The following ARHGAP42 variants were observed in gnomAD, a reference collection of about 807,000 sequenced individuals.
ARHGAP42 encodes Rho GTPase activating protein 42, also known as rho GTPase-activating protein 42.
Under a neutral mutation model 125.0 loss-of-function variants are expected in ARHGAP42, and 63 were observed. The observed-to-expected ratio is 0.50, with a 90% CI of 0.41 to 0.62. ARHGAP42 has a LOEUF of 0.62. ARHGAP42 is among the 20% of genes least tolerant of loss of function. The pLI is 0.00. For synonymous variants in ARHGAP42, 339 were observed against 351.0 expected (o/e 0.97, Z 0.38); for missense variants, 766 against 1,024.2 (o/e 0.75, Z 3.44).
chr11:100,948,557 TA>T (rs1331056599), intron 11 of ARHGAP42, 22 bp downstream of exon 11: 18 of 1,524,674 alleles, frequency 1.2e-5, no homozygotes, highest in East Asian at 4.9e-5. Flanking sequence ...ACACATTCTA[TA>T]ATTTAGGTTT....
chr11:100,737,623 G>T (rs1862094500), intron 1 of ARHGAP42, among the ~76,000 whole-genome samples: 1 of 152,118 alleles, frequency 6.6e-6, no homozygotes, highest in South Asian at 2.1e-4. Flanking sequence ...GAGGTGTCTT[G>T]GTTCATCTTG....
intron 1 of ARHGAP42, among the ~76,000 whole-genome samples, chr11:100,711,359 C>T (rs1347616419): frequency 6.6e-6 from 1 of 152,070 alleles, no homozygotes; most frequent in Non-Finnish European, 1.5e-5. Flanking sequence ...CAATGAGAAT[C>T]TTCTCTGTTT....
Position 100,768,169 on chromosome 11 carries a change from A to G in ARHGAP42, c.155-2174A>G, listed in dbSNP as rs79508570. ...GACATTTGTAAAAAAGGTAAGGAAG[A>G]CTTTATTCAGGACTATCACAACAGG... On this transcript the variant is annotated intron_variant, in intron 1 of 23. Transcript: ENST00000298815. Among the ~76,000 whole-genome samples the G allele has an allele frequency of 4.6e-3, 705 of 152,290 alleles. 5 individuals carry two copies. The highest frequency in any genetic ancestry group is 0.016 in the African/African-American group (676 of 41,562).
chr11:100,803,405 G>A (rs1003701616), intron 3 of ARHGAP42, among the ~76,000 whole-genome samples: 1 of 152,156 alleles, frequency 6.6e-6, no homozygotes, highest in Non-Finnish European at 1.5e-5. Flanking sequence ...CTAAGAGTAT[G>A]AGACAGAAGA....
intron 12 of ARHGAP42, among the ~76,000 whole-genome samples, chr11:100,958,829 A>T (rs897851103): frequency 6.6e-6 from 1 of 151,962 alleles, no homozygotes; most frequent in Non-Finnish European, 1.5e-5. Flanking sequence ...CAGATTTTTC[A>T]CGCCTTTCTG....
At chr11:100,728,713 CGTATATATATAT>C (rs1435843389) in intron 1 of ARHGAP42, among the ~76,000 whole-genome samples, 2,674 of 95,282 alleles carry the variant, frequency 0.028, 95 homozygotes, top group East Asian at 0.055. Context: ...AATGACTTTG[CGTATATATATAT>C]ATATATATAT....
chr11:100,769,956 C>A (rs1862935048), intron 1 of ARHGAP42, among the ~76,000 whole-genome samples: 1 of 152,044 alleles, frequency 6.6e-6, no homozygotes, highest in South Asian at 2.1e-4. Context: ...AACAAAACTG[C>A]ACATCCTGGC....
At chr11:100,772,647 T>A (rs949393123) in intron 2 of ARHGAP42, among the ~76,000 whole-genome samples, 1 of 152,170 alleles carries the variant, frequency 6.6e-6, no homozygotes, top group Non-Finnish European at 1.5e-5. Context: ...TGCCAACATT[T>A]GGAACAATAG....
At chr11:100,850,349 T>C (rs1865173798) in intron 3 of ARHGAP42, among the ~76,000 whole-genome samples, 2 of 152,194 alleles carry the variant, frequency 1.3e-5, no homozygotes, top group Non-Finnish European at 2.9e-5. Context: ...CTGTAGGTGA[T>C]TGTAACACAA....
chr11:100,766,448 T>A (rs1460790738), intron 1 of ARHGAP42, among the ~76,000 whole-genome samples: 2 of 152,228 alleles, frequency 1.3e-5, no homozygotes, highest in Admixed American at 6.5e-5. Context: ...TATTAGGTTT[T>A]AAAATCAAGG....
chr11:100,940,109 A>G (rs1758990701), intron 8 of ARHGAP42, among the ~76,000 whole-genome samples: 1 of 152,196 alleles, frequency 6.6e-6, no homozygotes, highest in South Asian at 2.1e-4. Flanking sequence ...AGTTAATTGT[A>G]ATAATCTTTT....
At chr11:100,857,820 A>G (rs984225058) in intron 3 of ARHGAP42, among the ~76,000 whole-genome samples, 1 of 152,032 alleles carries the variant, frequency 6.6e-6, no homozygotes, top group Non-Finnish European at 1.5e-5. Context: ...ATCTGTCAAT[A>G]CTACAGAAAC....
rs150172910 is a variant in ARHGAP42, at chr11:100,989,327, A to G, written c.*526A>G. 2,551 of 389,456 alleles carry G rather than the reference A, an allele frequency of 6.6e-3. 11 individuals are homozygous for G. The highest frequency in any genetic ancestry group is 0.016 in the South Asian group (112 of 6,956). The allele number at this position is 389,456 out of a possible 1,614,324, so 24.1% of individuals were successfully genotyped here. On this transcript the variant is annotated 3_prime_UTR_variant, in exon 24 of 24. Coordinates refer to ENST00000298815, the MANE Select transcript of ARHGAP42 (RefSeq NM_152432.4). The stretch of plus-strand genomic sequence containing the variant: ...TTCAAGGATGTAAGTCTTTGTTTTA[A>G]TATAACTTTATTTGTTTTCCAAGTA...
chr11:100,952,965 C>T (rs1266955849), intron 12 of ARHGAP42, among the ~76,000 whole-genome samples: 2 of 152,020 alleles, frequency 1.3e-5, no homozygotes, highest in African/African-American at 2.4e-5. Flanking sequence ...AAACTCCTGT[C>T]GAACTCCTCG....
At chr11:100,764,199 T>C (rs1339137470) in intron 1 of ARHGAP42, among the ~76,000 whole-genome samples, 1 of 152,114 alleles carries the variant, frequency 6.6e-6, no homozygotes, top group African/African-American at 2.4e-5. Flanking sequence ...TTTTAAATCA[T>C]TTTTTGTAAA....
At chr11:100,842,621 G>T (rs1042933490) in intron 3 of ARHGAP42, among the ~76,000 whole-genome samples, 1 of 152,016 alleles carries the variant, frequency 6.6e-6, no homozygotes, top group African/African-American at 2.4e-5. Flanking sequence ...AGGCCAAACA[G>T]TGTGGTAATG....
intron 5 of ARHGAP42, among the ~76,000 whole-genome samples, chr11:100,914,017 C>T (rs1236608263): frequency 1.3e-5 from 2 of 152,252 alleles, no homozygotes; most frequent in East Asian, 3.9e-4. Flanking sequence ...TCACTGCAAC[C>T]TCTGCCTCCT....
chr11:100,749,726 C>T (rs995222741), intron 1 of ARHGAP42, among the ~76,000 whole-genome samples: 4 of 152,214 alleles, frequency 2.6e-5, no homozygotes, highest in African/African-American at 9.6e-5. Flanking sequence ...TACAGAACCA[C>T]AGAGAGGACC....
chr11:100,931,053 A>G (rs1186750661), intron 6 of ARHGAP42, among the ~76,000 whole-genome samples: 1 of 152,184 alleles, frequency 6.6e-6, no homozygotes, highest in Non-Finnish European at 1.5e-5. Context: ...TATGTTTCCT[A>G]TACACCTCAT....
Sources: gnomAD v4.1 joint callset for allele counts (sites outside exome capture counted in the v4.1 genomes callset) on GRCh38, gnomAD v4.1.1 for gene constraint, MANE v1.5 for transcripts, NCBI Gene and HGNC (gene_info 2026-07-23, HGNC 2026-07-21) for gene names.